The following DHX30 variants were observed in gnomAD, a reference collection of about 807,000 sequenced individuals.
DHX30 encodes ATP-dependent RNA helicase DHX30.
A neutral mutation model predicts 116.9 loss-of-function variants in DHX30; 4 were observed. The ratio of observed to expected loss-of-function variants is 0.03; its 90% CI spans 0.02 to 0.08. DHX30 has a LOEUF of 0.08. Ranked by LOEUF, DHX30 falls within the 10% of genes least tolerant of loss-of-function variation. DHX30 has a pLI of 1.00. For synonymous variants in DHX30, 697 were observed against 651.7 expected (o/e 1.07, Z -1.06); for missense variants, 871 against 1,595.1 (o/e 0.55, Z 7.73).
At chr3:47,832,306 C>T (rs956091455) in intron 6 of DHX30, among the ~76,000 whole-genome samples, 5 of 152,154 alleles carry the variant, frequency 3.3e-5, no homozygotes, top group African/African-American at 1.2e-4. Flanking sequence ...TCTTTTCTCT[C>T]TAGGTCACTC....
chr3:47,828,546 C>T (rs1004884123), intron 5 of DHX30, among the ~76,000 whole-genome samples: 16 of 150,458 alleles, frequency 1.1e-4, no homozygotes, highest in African/African-American at 3.4e-4. Flanking sequence ...CCGAGGTGGG[C>T]GGATCACAAG....
At chr3:47,803,592 G>C (rs1357185522) in intron 1 of DHX30, among the ~76,000 whole-genome samples, 2 of 152,200 alleles carry the variant, frequency 1.3e-5, no homozygotes, top group African/African-American at 4.8e-5. Flanking sequence ...GAAGCCTCCT[G>C]AGTGCCCCGA....
At chr3:47,820,000 T>C (rs1420010999) in intron 4 of DHX30, among the ~76,000 whole-genome samples, 3 of 152,212 alleles carry the variant, frequency 2.0e-5, no homozygotes, top group African/African-American at 7.2e-5. Context: ...CTCTTCTTGA[T>C]GTGGTGGTTT....
intron 8 of DHX30, 129 bp from the exon 9 acceptor site, chr3:47,842,977 T>C: frequency 8.4e-7 from 1 of 1,185,500 alleles, no homozygotes. Flanking sequence ...ACCTCTAGCA[T>C]GGCTCACGCC....
intron 6 of DHX30, among the ~76,000 whole-genome samples, chr3:47,837,043 G>T (rs1168681486): frequency 1.3e-5 from 2 of 152,196 alleles, no homozygotes; most frequent in Admixed American, 1.3e-4. Flanking sequence ...AGCAGCCACA[G>T]CCAAGAAGAA....
chr3:47,819,508 G>C (rs1022135054), intron 4 of DHX30, among the ~76,000 whole-genome samples: 47 of 152,320 alleles, frequency 3.1e-4, no homozygotes, highest in African/African-American at 1.1e-3. Flanking sequence ...AGGCATCCGT[G>C]GGTGTGTGCA....
At chr3:47,838,482 A>G (rs546578614) in intron 6 of DHX30, among the ~76,000 whole-genome samples, 12 of 152,334 alleles carry the variant, frequency 7.9e-5, no homozygotes, top group South Asian at 2.1e-4. Flanking sequence ...CACCTTAGGT[A>G]GGTGATGGTT....
chr3:47,815,723 C>CA (rs11349970), intron 3 of DHX30, among the ~76,000 whole-genome samples: 802 of 20,780 alleles, frequency 0.039, 77 homozygotes, highest in Admixed American at 0.089. Context: ...TAAAAAAGAG[C>CA]AAAAAAAAAA....
intron 6 of DHX30, among the ~76,000 whole-genome samples, chr3:47,831,923 CCTTTTT>C (rs1315450267): frequency 5.1e-5 from 6 of 117,636 alleles, no homozygotes; most frequent in Admixed American, 9.5e-5. Context: ...AAGGCCTTTT[CCTTTTT>C]CTTTTTTTTT....
chr3:47,817,770 G>T (rs2036124009), intron 3 of DHX30, among the ~76,000 whole-genome samples: 2 of 152,156 alleles, frequency 1.3e-5, no homozygotes, highest in Admixed American at 6.5e-5. Flanking sequence ...ACCTCATAGG[G>T]GGTAGCTAAG....
At chr3:47,825,223 GA>G in intron 4 of DHX30, 1 of 632,168 alleles carries the variant, frequency 1.6e-6, no homozygotes, top group Admixed American at 2.6e-5. Context: ...CGGGCCTGGG[GA>G]AGGCGACGGA....
At chr3:47,828,779 A>G (rs780779697) in intron 5 of DHX30, among the ~76,000 whole-genome samples, 1 of 152,042 alleles carries the variant, frequency 6.6e-6, no homozygotes, top group Admixed American at 6.6e-5. Flanking sequence ...TGGCTAGAAC[A>G]TGGCACCTTG....
At chr3:47,829,188 C>A in intron 6 of DHX30, 54 bp downstream of exon 6, 3 of 1,021,926 alleles carry the variant, frequency 2.9e-6, no homozygotes, top group Non-Finnish European at 4.3e-6. Context: ...AACTCCTTGC[C>A]CTTTGTTTTT....
In DHX30 at chr3:47,849,015, C is replaced by T. The variant is rs940342467; in HGVS notation, c.2865C>T (p.Arg955=). ...AGGAGGTGCTGCGTTGGCAGGACCG[C>T]AGCTCCCGGGAGAATTACCTGGAGG... The part of the protein sequence containing the change: ...GWEEVLRWQD[R]SSRENYLEEN... The change falls in exon 18 of 22, where the codon CGC becomes CGT. Residue 955 remains arginine, a synonymous_variant. Coordinates refer to ENST00000445061, the MANE Select transcript of DHX30 (RefSeq NM_138615.3). 3.7e-6 allele frequency: 6 copies of T among 1,613,562 alleles called. No homozygotes were observed. The highest frequency in any genetic ancestry group is 5.1e-6 in the Non-Finnish European group (6 of 1,179,836).
intron 3 of DHX30, among the ~76,000 whole-genome samples, chr3:47,815,540 TC>T (rs1382067564): frequency 6.6e-6 from 1 of 151,972 alleles, no homozygotes; most frequent in Non-Finnish European, 1.5e-5. Context: ...GCCCACTGGG[TC>T]TTGTGGCTAG....
chr3:47,827,905 C>T (rs1559701261), intron 5 of DHX30, among the ~76,000 whole-genome samples: 1 of 152,036 alleles, frequency 6.6e-6, no homozygotes, highest in Non-Finnish European at 1.5e-5. Context: ...GTCACCCAGG[C>T]TGGAGTGCAG....
chr3:47,806,534 C>T (rs1342183385), intron 2 of DHX30, among the ~76,000 whole-genome samples: 3 of 151,306 alleles, frequency 2.0e-5, no homozygotes, highest in Non-Finnish European at 2.9e-5. Context: ...CAACCTCCGC[C>T]TCCCGGGTTC....
intron 6 of DHX30, among the ~76,000 whole-genome samples, chr3:47,831,660 G>T (rs1197987827): frequency 6.7e-6 from 1 of 149,878 alleles, no homozygotes; most frequent in Non-Finnish European, 1.5e-5. Flanking sequence ...CTTCGTTCAT[G>T]CCCTCTAGTT....
At chr3:47,823,996 C>CTTTTTTTTTTTTTT (rs759550719) in intron 4 of DHX30, among the ~76,000 whole-genome samples, 2 of 100,368 alleles carry the variant, frequency 2.0e-5, no homozygotes, top group African/African-American at 3.9e-5. Context: ...TTTTCTTTTC[C>CTTTTTTTTTTTTTT]TTTTTTTTTT....
Sources: gnomAD v4.1 joint callset for allele counts (sites outside exome capture counted in the v4.1 genomes callset) on GRCh38, gnomAD v4.1.1 for gene constraint, MANE v1.5 for transcripts, NCBI Gene and HGNC (gene_info 2026-07-23, HGNC 2026-07-21) for gene names.